The following CHN1 variants were observed in gnomAD, a reference collection of about 807,000 sequenced individuals.
CHN1 encodes N-chimaerin.
CHN1 carries 37 observed loss-of-function variants against 59.5 expected under a neutral mutation model. The ratio of observed to expected loss-of-function variants is 0.62; its 90% confidence interval spans 0.48 to 0.82. The LOEUF (loss-of-function observed/expected upper bound fraction) is 0.82. Among genes scored for constraint, CHN1 ranks in the 40% least tolerant of loss-of-function variants. The pLI is 0.00. For missense variants in CHN1, 469 were observed against 571.0 expected (o/e 0.82, Z 1.82); for synonymous variants, 206 against 200.4 (o/e 1.03, Z -0.24).
chr2:174,914,973 C>A, intron 5 of CHN1, 85 bp downstream of exon 5: 2 of 670,568 alleles, frequency 3.0e-6, no homozygotes, highest in East Asian at 2.9e-5. Context: ...AATTCAATTA[C>A]ATGCTGAATG....
At chr2:174,847,231 T>C (rs1310834732) in intron 6 of CHN1, 148 of 1,435,122 alleles carry the variant, frequency 1.0e-4, no homozygotes, top group Non-Finnish European at 1.3e-4. Flanking sequence ...CACAGAACCC[T>C]AACCTACAGA....
chr2:174,981,981 GT>G (rs1172718236), intron 1 of CHN1, among the ~76,000 whole-genome samples: 1 of 152,070 alleles, frequency 6.6e-6, no homozygotes, highest in African/African-American at 2.4e-5. Context: ...GGTGTGTGAT[GT>G]TCCCCTTCCT....
At chr2:174,945,893 C>T (rs994214467) in intron 2 of CHN1, among the ~76,000 whole-genome samples, 5 of 151,756 alleles carry the variant, frequency 3.3e-5, no homozygotes, top group African/African-American at 1.2e-4. Context: ...AGACTATACA[C>T]ACATACATAA....
intron 7 of CHN1, among the ~76,000 whole-genome samples, chr2:174,825,262 T>A (rs771900287): frequency 6.6e-6 from 1 of 152,146 alleles, no homozygotes; most frequent in Non-Finnish European, 1.5e-5. Flanking sequence ...ATCACAGACA[T>A]TAAAGGAGAT....
At chr2:174,988,693 T>G (rs1021904205) in intron 1 of CHN1, among the ~76,000 whole-genome samples, 4 of 152,162 alleles carry the variant, frequency 2.6e-5, no homozygotes, top group Admixed American at 6.5e-5. Flanking sequence ...TTTGAGCTCT[T>G]TAGAAAACAG....
At chr2:174,843,970 TTC>T (rs769634310) in intron 7 of CHN1, among the ~76,000 whole-genome samples, 4 of 127,072 alleles carry the variant, frequency 3.1e-5, no homozygotes. Flanking sequence ...TTCTCTCTCT[TTC>T]TCTGTGTGTG....
chr2:174,933,182 G>GTA (rs928058246), intron 3 of CHN1, among the ~76,000 whole-genome samples: 8 of 152,066 alleles, frequency 5.3e-5, no homozygotes, highest in East Asian at 1.9e-4. Context: ...ATATATGTGT[G>GTA]TATATATATA....
intron 6 of CHN1, among the ~76,000 whole-genome samples, chr2:174,861,772 G>A (rs1687076501): frequency 6.6e-6 from 1 of 152,198 alleles, no homozygotes; most frequent in African/African-American, 2.4e-5. Flanking sequence ...TGTGCTGAGA[G>A]AACATGTGCC....
chr2:174,818,935 T>A (rs1685376552), intron 8 of CHN1, among the ~76,000 whole-genome samples: 1 of 152,194 alleles, frequency 6.6e-6, no homozygotes, highest in Admixed American at 6.5e-5. Context: ...TTAATAAGAT[T>A]TGAAATTATA....
In CHN1 at chr2:175,005,131, G is replaced by T; in HGVS notation, c.-219C>A. ...TATTGTCGGGCGCACCGGGCCCAGGGAGCCCCGCTAGCTCTCCGCGAGCCG... is the reference window on the plus strand; with the variant it reads ...TATTGTCGGGCGCACCGGGCCCAGGTAGCCCCGCTAGCTCTCCGCGAGCCG... On this transcript the variant is annotated 5_prime_UTR_variant, in exon 1 of 13. Transcript: ENST00000409900. The T allele has an allele frequency of 3.1e-6, 4 of 1,309,892 alleles. No individual in the cohort carries two copies. In the South Asian group the frequency reaches 7.2e-5, roughly 24 times the overall value. The allele number at this position is 1,309,892 out of a possible 1,614,324, so 81.1% of individuals were successfully genotyped here. A position where few individuals can be genotyped will look rare whatever the true frequency, so the allele number is the denominator to read the frequency against.
intron 6 of CHN1, among the ~76,000 whole-genome samples, chr2:174,850,055 A>G (rs541469264): frequency 3.0e-4 from 45 of 152,328 alleles, no homozygotes; most frequent in African/African-American, 9.9e-4. Flanking sequence ...TCTCAAGTTT[A>G]GCATGTAGTA....
intron 8 of CHN1, among the ~76,000 whole-genome samples, chr2:174,823,907 A>C (rs1346343903): frequency 6.6e-6 from 1 of 152,230 alleles, no homozygotes; most frequent in African/African-American, 2.4e-5. Context: ...CATCACACAG[A>C]AAATATTAGT....
chr2:174,877,398 T>C (rs1687600088), intron 6 of CHN1, among the ~76,000 whole-genome samples: 1 of 151,904 alleles, frequency 6.6e-6, no homozygotes, highest in Non-Finnish European at 1.5e-5. Flanking sequence ...ACACATAATA[T>C]ACACACACAC....
chr2:174,974,890 ATAAT>A (rs144266230), intron 1 of CHN1, among the ~76,000 whole-genome samples: 135 of 71,714 alleles, frequency 1.9e-3, no homozygotes, highest in Middle Eastern at 8.6e-3. Context: ...GCCATAAGAA[ATAAT>A]TAATACACAC....
intron 6 of CHN1, among the ~76,000 whole-genome samples, chr2:174,870,660 C>A (rs1250124301): frequency 6.6e-6 from 1 of 152,170 alleles, no homozygotes; most frequent in Non-Finnish European, 1.5e-5. Flanking sequence ...ATAGTCTCAT[C>A]TTGCTTTGTA....
intron 3 of CHN1, among the ~76,000 whole-genome samples, chr2:174,940,714 G>C (rs141578296): frequency 1.3e-5 from 2 of 152,250 alleles, no homozygotes; most frequent in East Asian, 3.9e-4. Flanking sequence ...ACACATGACA[G>C]TTTGTCCCAT....
At chr2:174,934,665 C>G (rs1689445202) in intron 3 of CHN1, among the ~76,000 whole-genome samples, 1 of 152,170 alleles carries the variant, frequency 6.6e-6, no homozygotes, top group Admixed American at 6.5e-5. Context: ...TTTCCTCCAG[C>G]CATACTGTTA....
chr2:174,990,262 T>TGTGTGAGAGA (rs1347961292), intron 1 of CHN1, among the ~76,000 whole-genome samples: 2 of 89,388 alleles, frequency 2.2e-5, no homozygotes, highest in African/African-American at 9.4e-5. Flanking sequence ...TGTGTGTGTG[T>TGTGTGAGAGA]GAGAGAGAGA....
chr2:175,004,576 A>G (rs1691997885), intron 1 of CHN1, among the ~76,000 whole-genome samples: 1 of 152,222 alleles, frequency 6.6e-6, no homozygotes, highest in South Asian at 2.1e-4. Context: ...GCAGGTTTGA[A>G]AACAACCAGT....
Sources: allele counts gnomAD v4.1 joint callset (sites outside exome capture counted in the v4.1 genomes callset), GRCh38; gene constraint gnomAD v4.1.1; transcripts MANE v1.5; gene names NCBI Gene and HGNC (gene_info 2026-07-23, HGNC 2026-07-21).